Variants in MTUS2 observed in about 807,000 individuals in gnomAD.
MTUS2 encodes microtubule-associated tumor suppressor candidate 2.
In MTUS2, 40 loss-of-function variants were observed where a neutral mutation model predicts 114.1. The ratio of observed to expected loss-of-function variants is 0.35; its 90% CI spans 0.27 to 0.46. The LOEUF (loss-of-function observed/expected upper bound fraction) is 0.46. MTUS2 is among the 20% of genes least tolerant of loss of function. The pLI is 1.00. For missense variants in MTUS2, 1,679 were observed against 1,705.4 expected, an observed-to-expected ratio of 0.98 and a Z score of 0.27; for synonymous variants, 688 against 672.0, an observed-to-expected ratio of 1.02 and a Z score of -0.37.
rs1413012459 is a variant in MTUS2 at position 29,317,531 on chromosome 13, C to T, written c.2807-7082C>T. ...TCGGCTCACTGCAAGCTCCGCTTCC[C>T]GGGTTCACGCCATTCTCCTGCCTCA... On this transcript the variant is annotated intron_variant, in intron 6 of 15. Coordinates refer to ENST00000612955, the MANE Select transcript of MTUS2 (RefSeq NM_001033602.4). Among the ~76,000 whole-genome samples, 18 of 56,462 alleles carry T rather than the reference C, an allele frequency of 3.2e-4. 7 individuals are homozygous for T. The Admixed American group carries it at 3.6e-3, about 11-fold the overall frequency. 37.0% of individuals were successfully genotyped at this position (56,462 alleles called of 152,430 possible).
intron 5 of MTUS2, among the ~76,000 whole-genome samples, chr13:29,199,095 T>C (rs7328586): frequency 0.84 from 127,054 of 152,108 alleles, 53,264 homozygotes; most frequent in African/African-American, 0.91. Context: ...GGAAATACTT[T>C]CAAATTTCAT....
chr13:29,434,107 C>T (rs1022945045), intron 8 of MTUS2, among the ~76,000 whole-genome samples: 1 of 152,014 alleles, frequency 6.6e-6, no homozygotes, highest in Non-Finnish European at 1.5e-5. Context: ...TTTAAATTTA[C>T]ATATATATGT....
chr13:29,356,639 A>G (rs1345450866), intron 7 of MTUS2, among the ~76,000 whole-genome samples: 1 of 152,208 alleles, frequency 6.6e-6, no homozygotes, highest in Non-Finnish European at 1.5e-5. Context: ...ACAGCACGAG[A>G]AAGAATACTG....
At chr13:29,376,029 ATATATATATATG>A (rs1566164237) in intron 8 of MTUS2, among the ~76,000 whole-genome samples, 3 of 12,152 alleles carry the variant, frequency 2.5e-4, no homozygotes, top group African/African-American at 3.0e-4. Context: ...ATGTGTGTGT[ATATATATATATG>A]TGTGTGTGTG....
intron 2 of MTUS2, among the ~76,000 whole-genome samples, chr13:28,849,035 T>C (rs1487459155): frequency 6.6e-6 from 1 of 152,214 alleles, no homozygotes; most frequent in African/African-American, 2.4e-5. Context: ...TATGATTTAA[T>C]CCATCAGATG....
chr13:29,239,964 A>G (rs895434571), intron 5 of MTUS2: 2 of 139,656 alleles, frequency 1.4e-5, no homozygotes, highest in African/African-American at 5.4e-5. Context: ...AAAATCTGGA[A>G]AAAAAACAAC....
chr13:28,904,330 T>A (rs946661433), intron 2 of MTUS2, among the ~76,000 whole-genome samples: 11 of 152,338 alleles, frequency 7.2e-5, no homozygotes, highest in African/African-American at 2.6e-4. Flanking sequence ...TCCTTGCCCA[T>A]GCCTATGTCC....
chr13:29,205,800 A>C (rs986145758), intron 5 of MTUS2, among the ~76,000 whole-genome samples: 1 of 152,114 alleles, frequency 6.6e-6, no homozygotes, highest in African/African-American at 2.4e-5. Context: ...TTCTTTATCT[A>C]CTTGTTAACT....
At chr13:29,356,656 G>A (rs567292727) in intron 7 of MTUS2, among the ~76,000 whole-genome samples, 2 of 152,334 alleles carry the variant, frequency 1.3e-5, no homozygotes, top group South Asian at 2.1e-4. Context: ...ACTGTTTTTA[G>A]CGAAGACAAA....
chr13:28,923,395 T>C (rs753832319), intron 2 of MTUS2, among the ~76,000 whole-genome samples: 1 of 152,202 alleles, frequency 6.6e-6, no homozygotes, highest in Non-Finnish European at 1.5e-5. Flanking sequence ...CCTGTTTAGA[T>C]CTTCCATTTT....
intron 10 of MTUS2, among the ~76,000 whole-genome samples, chr13:29,482,565 G>A (rs1881275294): frequency 6.6e-6 from 1 of 152,194 alleles, no homozygotes; most frequent in Non-Finnish European, 1.5e-5. Flanking sequence ...TATGGAATGT[G>A]CATTGTATGT....
At chr13:28,934,990 G>C (rs1053596402) in intron 2 of MTUS2, among the ~76,000 whole-genome samples, 6 of 71,178 alleles carry the variant, frequency 8.4e-5, no homozygotes, top group African/African-American at 3.4e-4. Flanking sequence ...GTGACCACTT[G>C]TTTCATCTCC....
chr13:29,338,898 C>G (rs150492263), intron 7 of MTUS2, among the ~76,000 whole-genome samples: 19 of 152,272 alleles, frequency 1.2e-4, no homozygotes, highest in African/African-American at 3.4e-4. Flanking sequence ...AACACGGTCT[C>G]TTCAGTGTGG....
At chr13:29,450,155 A>T (rs574515712) in intron 9 of MTUS2, among the ~76,000 whole-genome samples, 1 of 152,330 alleles carries the variant, frequency 6.6e-6, no homozygotes, top group East Asian at 1.9e-4. Flanking sequence ...TCTGGGGGGA[A>T]GTGTCCAGGA....
chr13:29,057,208 T>C (rs1888175142), intron 4 of MTUS2, among the ~76,000 whole-genome samples: 1 of 152,146 alleles, frequency 6.6e-6, no homozygotes, highest in South Asian at 2.1e-4. Flanking sequence ...AAGATTGTTA[T>C]ATGGCTGATT....
rs150333294 is a variant in MTUS2 at position 29,147,069 on chromosome 13, G to T, written c.2644+46099G>T. On this transcript the variant is annotated intron_variant, in intron 5 of 15. Coordinates refer to ENST00000612955, the MANE Select transcript of MTUS2 (RefSeq NM_001033602.4). The stretch of plus-strand genomic sequence containing the variant: ...GCTGTAATACCCATTGTATGTAAAA[G>T]AAGTTCAAATAAAGCCTATAAGTCA... Among the ~76,000 whole-genome samples, 420 of 152,266 alleles carry T rather than the reference G, an allele frequency of 2.8e-3. 2 individuals are homozygous for T. The highest frequency in any genetic ancestry group is 9.6e-3 in the African/African-American group (400 of 41,560).
chr13:29,000,824 G>A (rs1885351892), intron 2 of MTUS2, among the ~76,000 whole-genome samples: 3 of 152,136 alleles, frequency 2.0e-5, no homozygotes, highest in Admixed American at 1.3e-4. Flanking sequence ...TCCGTCTGCT[G>A]CCATTGTCTT....
chr13:29,142,809 GT>G (rs1180440073), intron 5 of MTUS2, among the ~76,000 whole-genome samples: 2 of 152,162 alleles, frequency 1.3e-5, no homozygotes, highest in Admixed American at 1.3e-4. Flanking sequence ...TATTGTTCTT[GT>G]TTTTGAAAAA....
At chr13:28,924,000 C>T (rs367581726) in intron 2 of MTUS2, among the ~76,000 whole-genome samples, 4 of 152,146 alleles carry the variant, frequency 2.6e-5, no homozygotes, top group African/African-American at 4.8e-5. Flanking sequence ...GAGTGATTCC[C>T]CTAGTCACTT....
Sources: allele counts gnomAD v4.1 joint callset (sites outside exome capture counted in the v4.1 genomes callset), GRCh38; gene constraint gnomAD v4.1.1; transcripts MANE v1.5; gene names NCBI Gene and HGNC (gene_info 2026-07-23, HGNC 2026-07-21).